The following MID1 variants were observed in gnomAD, a reference collection of about 807,000 sequenced individuals.
MID1 encodes the protein E3 ubiquitin-protein ligase Midline-1.
Under a neutral mutation model 40.4 loss-of-function variants are expected in MID1, and 7 were observed. The ratio of observed to expected loss-of-function variants is 0.17; its 90% confidence interval spans 0.10 to 0.33. The LOEUF (loss-of-function observed/expected upper bound fraction) is 0.33, where lower values mean the gene tolerates loss of function less well. Ranked by LOEUF, MID1 falls within the 10% of genes least tolerant of loss-of-function variation. The pLI is 1.00. For synonymous variants in MID1, 229 were observed against 221.2 expected (o/e 1.04, Z -0.31); for missense variants, 367 against 558.5 (o/e 0.66, Z 3.46).
chrX:10,666,815 A>G (rs866707517), intron 1 of MID1, among the ~76,000 whole-genome samples: 2 of 111,760 alleles, frequency 1.8e-5, no homozygotes, highest in Non-Finnish European at 3.8e-5. Context: ...CGAGCTTTTC[A>G]TAGGTGGCCA....
intron 1 of MID1, among the ~76,000 whole-genome samples, chrX:10,716,432 G>A (rs2043303789): frequency 8.9e-6 from 1 of 112,078 alleles, no homozygotes; most frequent in Non-Finnish European, 1.9e-5. Context: ...TCAACTGGAA[G>A]AAAGGGTATC....
chrX:10,687,977 C>T (rs1464516282), intron 1 of MID1, among the ~76,000 whole-genome samples: 1 of 111,371 alleles, frequency 9.0e-6, no homozygotes, highest in Admixed American at 9.6e-5. Context: ...CGTCGCTTCC[C>T]CAGAGTGCTA....
intron 4 of MID1, among the ~76,000 whole-genome samples, chrX:10,493,427 G>A (rs1931061501): frequency 8.9e-6 from 1 of 111,912 alleles, no homozygotes; most frequent in South Asian, 3.7e-4. Context: ...TCGATTTTTG[G>A]ATTTCCGAAT....
chrX:10,832,792 A>C (rs2044261073), intron 1 of MID1, among the ~76,000 whole-genome samples: 1 of 112,199 alleles, frequency 8.9e-6, no homozygotes, highest in Non-Finnish European at 1.9e-5. Context: ...AGTATAATTA[A>C]AATTTCCCTG....
At position 10,521,401 on chromosome X, in the gene MID1, C is replaced by T. The variant is rs570159762; in HGVS notation, c.756+1691G>A. ...ACTCTGGTCCAGGGAACCAGAGAAA[C>T]GTTCACAACTGAAGTGCCCCTTGAC... On this transcript the variant is annotated intron_variant, in intron 3 of 9. Transcript: ENST00000317552. 4.5e-5 allele frequency among the ~76,000 whole-genome samples: 5 copies of T among 111,268 alleles called. No individual in the cohort carries two copies. In the East Asian group the frequency reaches 8.6e-4, roughly 19 times the overall value.
Position 10,677,211 on chromosome X carries a change from T to C in MID1, c.-186-56792A>G, listed in dbSNP as rs187678224. ...GGAAAATTACTGTCTTTATGAAAATTCATTTTTTTAAAAATCATGTTTCTA... is the reference window on the plus strand; with the variant it reads ...GGAAAATTACTGTCTTTATGAAAATCCATTTTTTTAAAAATCATGTTTCTA... On this transcript the variant is annotated intron_variant, in intron 1 of 10. Coordinates refer to the MID1 transcript ENST00000380785. Among the ~76,000 whole-genome samples the C allele has an allele frequency of 1.2e-4, 14 of 112,195 alleles. No homozygotes were observed. In the East Asian group the frequency reaches 3.9e-3, roughly 31 times the overall value.
At chrX:10,817,564 CTTTCTTTCTCTCTT>C (rs2044146697) in intron 1 of MID1, among the ~76,000 whole-genome samples, 1 of 90,830 alleles carries the variant, frequency 1.1e-5, no homozygotes, top group Admixed American at 1.2e-4. Flanking sequence ...TTCTTTCTTT[CTTTCTTTCTCTCTT>C]TCTTTCTTTC....
intron 1 of MID1, among the ~76,000 whole-genome samples, chrX:10,698,624 T>C (rs765714496): frequency 9.2e-6 from 1 of 108,360 alleles, no homozygotes; most frequent in South Asian, 4.0e-4. Context: ...ATTTCCCCAT[T>C]GAAAGATATC....
chrX:10,780,967 G>T (rs900225154), intron 1 of MID1, among the ~76,000 whole-genome samples: 1 of 111,774 alleles, frequency 8.9e-6, no homozygotes, highest in Non-Finnish European at 1.9e-5. Context: ...GGGCTCAGGC[G>T]GTAATGCTTG....
intron 2 of MID1, among the ~76,000 whole-genome samples, chrX:10,535,104 G>T (rs1444983424): frequency 8.9e-6 from 1 of 112,110 alleles, no homozygotes; most frequent in Non-Finnish European, 1.9e-5. Context: ...AGAAGATGAG[G>T]AGTGTCTACT....
At chrX:10,458,392 G>A (rs1370739731) in intron 8 of MID1, among the ~76,000 whole-genome samples, 1 of 111,663 alleles carries the variant, frequency 9.0e-6, no homozygotes, top group Non-Finnish European at 1.9e-5. Context: ...ATCCTGGATT[G>A]GGTCCCGGAA....
At chrX:10,722,975 G>T (rs922675316) in intron 1 of MID1, among the ~76,000 whole-genome samples, 32 of 111,312 alleles carry the variant, frequency 2.9e-4, no homozygotes, top group African/African-American at 1.0e-3. Flanking sequence ...GGTGCCCTCT[G>T]CTGGGAAGAG....
At chrX:10,581,117 C>T (rs1030158801) in intron 1 of MID1, among the ~76,000 whole-genome samples, 10 of 109,888 alleles carry the variant, frequency 9.1e-5, no homozygotes, top group East Asian at 2.8e-4. Context: ...GTCATGGTGG[C>T]GGGTGCCTGT....
chrX:10,679,498 T>C (rs2043045152), intron 1 of MID1, among the ~76,000 whole-genome samples: 1 of 111,888 alleles, frequency 8.9e-6, no homozygotes. Flanking sequence ...CCTGTTGGTA[T>C]AAATAAAGGT....
intron 2 of MID1, among the ~76,000 whole-genome samples, chrX:10,556,178 C>T (rs888582966): frequency 1.8e-5 from 2 of 111,471 alleles, no homozygotes; most frequent in Admixed American, 9.5e-5. Context: ...ATCTTTTCCT[C>T]ATCTGTCTAG....
upstream of MID1, among the ~76,000 whole-genome samples, chrX:10,623,083 C>CAAAAAAAAAAAAAAAAA (rs763054366): frequency 4.9e-4 from 16 of 32,511 alleles, no homozygotes; most frequent in Non-Finnish European, 7.6e-4. Context: ...GCTGTCTCTA[C>CAAAAAAAAAAAAAAAAA]AAAAAAAAAA....
In MID1 at chrX:10,445,730, T is replaced by A. The variant is rs1445505630; in HGVS notation, c.*3638A>T. On this transcript the variant is annotated 3_prime_UTR_variant, in exon 10 of 10. Coordinates refer to ENST00000317552, the MANE Select transcript of MID1 (RefSeq NM_000381.4). ...CATGTCCAAGCCAAGCTGATACAGATGATGATACTTATCAGTGATTCCCAT... is the reference window on the plus strand; with the variant it reads ...CATGTCCAAGCCAAGCTGATACAGAAGATGATACTTATCAGTGATTCCCAT... 8.9e-6 allele frequency: 1 copy of A among 111,760 alleles called. No homozygotes were observed. The highest frequency in any genetic ancestry group is 1.9e-5 in the Non-Finnish European group (1 of 53,179). 9.2% of individuals were successfully genotyped at this position (111,760 alleles called of 1,213,427 possible).
chrX:10,500,349 C>T (rs966125308), intron 3 of MID1, among the ~76,000 whole-genome samples: 4 of 111,984 alleles, frequency 3.6e-5, no homozygotes, highest in Non-Finnish European at 7.5e-5. Flanking sequence ...AATTTGGGAA[C>T]AGGATCTATT....
intron 3 of MID1, among the ~76,000 whole-genome samples, chrX:10,508,271 C>T (rs1392208389): frequency 8.9e-6 from 1 of 112,304 alleles, no homozygotes; most frequent in Non-Finnish European, 1.9e-5. Context: ...CCACTAGCCA[C>T]TTGTGGTTTT....
Sources: allele counts gnomAD v4.1 joint callset (sites outside exome capture counted in the v4.1 genomes callset), GRCh38; gene constraint gnomAD v4.1.1; transcripts MANE v1.5; gene names NCBI Gene and HGNC (gene_info 2026-07-23, HGNC 2026-07-21).